SIK3: variants seen among roughly 807,000 people sequenced by gnomAD.
SIK3 encodes SIK family kinase 3.
In SIK3, 28 loss-of-function variants were observed where a neutral mutation model predicts 144.2. The ratio of observed to expected loss-of-function variants is 0.19; its 90% CI spans 0.14 to 0.27. SIK3 has a LOEUF of 0.27. SIK3 is among the 10% of genes least tolerant of loss of function. The probability of loss-of-function intolerance (pLI) is 1.00; values close to 1 mark genes in which losing one functional copy is unlikely to be tolerated. For missense variants in SIK3, 1,319 were observed against 1,776.0 expected (o/e 0.74, Z 4.62); for synonymous variants, 686 against 676.3 (o/e 1.01, Z -0.22).
At chr11:116,938,597 GGAGGAGAGGAGAGGA>G (rs1948101068) in intron 3 of SIK3, among the ~76,000 whole-genome samples, 3 of 23,042 alleles carry the variant, frequency 1.3e-4, no homozygotes, top group Non-Finnish European at 2.2e-4. Context: ...AGAGGAGAGG[GGAGGAGAGGAGAGGA>G]GAGGGGAGGG....
At chr11:117,063,050 T>C (rs1474917529) in intron 1 of SIK3, among the ~76,000 whole-genome samples, 4 of 152,234 alleles carry the variant, frequency 2.6e-5, no homozygotes, top group Non-Finnish European at 5.9e-5. Flanking sequence ...CACTTAGAAA[T>C]GTTCAGCTGC....
chr11:117,029,479 A>G (rs1259263253), intron 1 of SIK3, among the ~76,000 whole-genome samples: 1 of 152,168 alleles, frequency 6.6e-6, no homozygotes, highest in Non-Finnish European at 1.5e-5. Flanking sequence ...AAAAATTAAA[A>G]GACAAAATGG....
In SIK3 at chr11:117,019,674, C is replaced by T. The variant is rs967612337; in HGVS notation, c.274-62610G>A. On this transcript the variant is annotated intron_variant, in intron 1 of 24. Transcript: ENST00000445177. ...TGTTTCCCAGGCTGGGATGCAGTGG[C>T]GTGATCTTGACTCACTGCAACCTCT... is the stretch of plus-strand genomic sequence containing the variant. Among the ~76,000 whole-genome samples the T allele has an allele frequency of 6.5e-4, 99 of 151,362 alleles. No individual in the cohort carries two copies. The Middle Eastern group carries it at 0.014, about 21-fold the overall frequency.
In SIK3 at chr11:116,896,314, C is replaced by T. The variant is rs983988911; in HGVS notation, c.804G>A (p.Leu268=). Residue 268 remains leucine, a synonymous_variant, in exon 6 of 25, where the codon CTG becomes CTA. Transcript: ENST00000445177. ...TCAGCACGCGGGCCCGCAGATTCTG[C>T]AGTGTGCTTCCATCAAATGGCAGGG... The part of the protein sequence containing the change: ...CGALPFDGST[L]QNLRARVLSG... 4 of 1,613,892 alleles carry T rather than the reference C, an allele frequency of 2.5e-6. No homozygotes were observed. Among genetic ancestry groups the T allele is most frequent in the Middle Eastern group, 3.3e-4 (2 of 6,074 alleles).
At chr11:116,955,646 G>A (rs893207464) in intron 2 of SIK3, among the ~76,000 whole-genome samples, 3 of 152,102 alleles carry the variant, frequency 2.0e-5, no homozygotes, top group Middle Eastern at 3.2e-3. Context: ...TAAAAGGTAA[G>A]GTCAAGAAAT....
chr11:116,858,564 G>T lies in SIK3; in HGVS notation c.2901C>A (p.Ala967=), dbSNP rs778820561. 6.2e-7 allele frequency: 1 copy of T among 1,613,846 alleles called. No homozygotes were observed. Among genetic ancestry groups the T allele is most frequent in the South Asian group, 1.1e-5 (1 of 90,972 alleles). ...ATTGGTCAAGTGGAGGGACTTTCAG[G>T]GCTTGGGTTGGAGAGAACCCCACTC... ...STGVGFSPTQ[A]LKVPPLDQFP... is the part of the protein sequence containing the mutation. Residue 967 remains alanine, a synonymous_variant, in exon 21 of 25, where the codon GCC becomes GCA. Coordinates refer to ENST00000445177, the MANE Select transcript of SIK3 (RefSeq NM_001366686.3). The surrounding 1 kb of genome is among the most constrained non-coding windows in gnomAD (Gnocchi z 5.4).
intron 1 of SIK3, among the ~76,000 whole-genome samples, chr11:116,982,619 G>C (rs983207525): frequency 6.6e-6 from 1 of 151,764 alleles, no homozygotes; most frequent in Non-Finnish European, 1.5e-5. Flanking sequence ...GTTCCAGAAC[G>C]TTATATGTAT....
intron 1 of SIK3, among the ~76,000 whole-genome samples, chr11:117,078,067 A>G (rs780543636): frequency 1.9e-4 from 29 of 152,254 alleles, no homozygotes; most frequent in Non-Finnish European, 3.8e-4. Context: ...TCAATTGCAA[A>G]GAAAGCAAGG....
At chr11:116,917,442 G>C (rs1946705341) in intron 4 of SIK3, among the ~76,000 whole-genome samples, 1 of 152,130 alleles carries the variant, frequency 6.6e-6, no homozygotes, top group Admixed American at 6.5e-5. Flanking sequence ...GGGCACAGTA[G>C]CTCATGCTTG....
intron 4 of SIK3, among the ~76,000 whole-genome samples, chr11:116,915,885 C>G (rs1400272221): frequency 6.6e-6 from 1 of 152,156 alleles, no homozygotes. Flanking sequence ...AAACTGTACC[C>G]TGGTCAAAGC....
At chr11:116,847,659 G>GGTT in intron 22 of SIK3, 51 bp from the exon 23 acceptor site, 1 of 1,610,254 alleles carries the variant, frequency 6.2e-7, no homozygotes, top group South Asian at 1.1e-5. Flanking sequence ...ACCACTCTCA[G>GGTT]GCAACCCCTA....
chr11:116,875,091 A>G, intron 11 of SIK3, 67 bp downstream of exon 11: 2 of 1,235,732 alleles, frequency 1.6e-6, no homozygotes, highest in South Asian at 2.5e-5. Context: ...GTGCCATGGT[A>G]GACACTGAAA....
intron 1 of SIK3, among the ~76,000 whole-genome samples, chr11:117,080,651 A>C (rs1186883360): frequency 6.6e-6 from 1 of 152,182 alleles, no homozygotes; most frequent in Non-Finnish European, 1.5e-5. Flanking sequence ...TTTGTAATTA[A>C]AACAATAAAA....
chr11:116,942,536 A>T (rs1255960351), intron 3 of SIK3, among the ~76,000 whole-genome samples: 1 of 152,228 alleles, frequency 6.6e-6, no homozygotes, highest in African/African-American at 2.4e-5. Flanking sequence ...CAAGACAGAG[A>T]CTACAGAGCA....
intron 1 of SIK3, among the ~76,000 whole-genome samples, chr11:117,021,865 G>A (rs1951773703): frequency 7.9e-6 from 1 of 127,386 alleles, no homozygotes; most frequent in African/African-American, 2.9e-5. Flanking sequence ...GCCGAGGCAG[G>A]AAGATCATTT....
intron 1 of SIK3, among the ~76,000 whole-genome samples, chr11:117,037,581 G>A (rs1952565592): frequency 1.3e-5 from 2 of 152,116 alleles, no homozygotes; most frequent in African/African-American, 4.8e-5. Flanking sequence ...CTGAGGACGG[G>A]GCAGCTCACT....
At chr11:117,082,911 C>T (rs754752533) in intron 1 of SIK3, among the ~76,000 whole-genome samples, 2 of 152,096 alleles carry the variant, frequency 1.3e-5, no homozygotes, top group African/African-American at 4.8e-5. Flanking sequence ...AGTCTCAGTT[C>T]TTTAACTACA....
chr11:117,092,133 C>G (rs1441085370), intron 1 of SIK3, among the ~76,000 whole-genome samples: 1 of 152,054 alleles, frequency 6.6e-6, no homozygotes, highest in Non-Finnish European at 1.5e-5. Flanking sequence ...GCTTGATACT[C>G]TCTGATGTCA....
At position 116,884,029 on chromosome 11, in the gene SIK3, A is replaced by G. The variant is rs114017841; in HGVS notation, c.866-6987T>C. On this transcript the variant is annotated intron_variant, in intron 6 of 24. Transcript: ENST00000445177. ...AGATTGTATAAATGTTAACTATAATAATACAAAATACAGGGATTTTGTTGT... is the reference window on the plus strand; with the variant it reads ...AGATTGTATAAATGTTAACTATAATGATACAAAATACAGGGATTTTGTTGT... Among the ~76,000 whole-genome samples the G allele has an allele frequency of 2.2e-3, 340 of 152,328 alleles. 3 individuals carry two copies. Among genetic ancestry groups the G allele is most frequent in the African/African-American group, 7.6e-3 (318 of 41,570 alleles).
Sources: gnomAD v4.1 joint callset for allele counts (sites outside exome capture counted in the v4.1 genomes callset) on GRCh38, gnomAD v4.1.1 for gene constraint, Gnocchi (gnomAD v3.1) non-coding constraint, MANE v1.5 for transcripts, NCBI Gene and HGNC (gene_info 2026-07-23, HGNC 2026-07-21) for gene names.